TRPM1: variants seen among roughly 807,000 people sequenced by gnomAD.
The protein encoded by TRPM1 is TRPM1-203 APA Isoform, Intron 10.
A neutral mutation model predicts 149.4 loss-of-function variants in TRPM1; 113 were observed. The observed-to-expected ratio is 0.76, with a 90% CI of 0.65 to 0.88. TRPM1 has a LOEUF of 0.88. Ranked by LOEUF, TRPM1 falls within the 40% of genes least tolerant of loss-of-function variation. The pLI, the probability that TRPM1 is intolerant of heterozygous loss-of-function variation, is 0.00. For synonymous variants in TRPM1, 741 were observed against 759.5 expected, an observed-to-expected ratio of 0.98 and a Z score of 0.40; for missense variants, 1,976 against 2,038.7, an observed-to-expected ratio of 0.97 and a Z score of 0.59.
chr15:31,011,000 CT>C (rs1313842111), intron 27 of TRPM1, among the ~76,000 whole-genome samples: 3 of 152,108 alleles, frequency 2.0e-5, no homozygotes, highest in Admixed American at 6.5e-5. Context: ...ATATAGTTAC[CT>C]TTTTAATCAT....
chr15:31,065,676 C>T (rs145109268), intron 7 of TRPM1, among the ~76,000 whole-genome samples: 2,719 of 152,270 alleles, frequency 0.018, 42 homozygotes, highest in South Asian at 0.026. Context: ...CCCAGCATTA[C>T]AGAGATATTT....
chr15:31,069,759 T>A, intron 4 of TRPM1: 5 of 1,444,732 alleles, frequency 3.5e-6, no homozygotes, highest in Non-Finnish European at 4.5e-6. Context: ...ATGGAGTGTG[T>A]TTGCAGGGTT....
chr15:31,014,542 G>A (rs967847091), intron 27 of TRPM1, among the ~76,000 whole-genome samples: 2 of 152,160 alleles, frequency 1.3e-5, no homozygotes, highest in African/African-American at 4.8e-5. Flanking sequence ...CAGCCATTTT[G>A]TTTAAATAAG....
intron 1 of TRPM1, among the ~76,000 whole-genome samples, chr15:31,094,128 C>G (rs2035313745): frequency 6.6e-6 from 1 of 152,134 alleles, no homozygotes. Flanking sequence ...GTCTTGTCAA[C>G]TAATAGTGCT....
At chr15:31,031,699 T>G (rs1455334612) in intron 22 of TRPM1, among the ~76,000 whole-genome samples, 1 of 152,192 alleles carries the variant, frequency 6.6e-6, no homozygotes, top group Non-Finnish European at 1.5e-5. Context: ...TTCCCTTAGC[T>G]CAAAACCACT....
chr15:31,041,581 C>A (rs943958860), intron 17 of TRPM1, among the ~76,000 whole-genome samples: 1 of 152,174 alleles, frequency 6.6e-6, no homozygotes, highest in Non-Finnish European at 1.5e-5. Flanking sequence ...ATCAGAAACA[C>A]CTGTGAAGGT....
intron 4 of TRPM1, among the ~76,000 whole-genome samples, chr15:31,069,055 T>TA (rs1394377695): frequency 2.0e-5 from 3 of 152,226 alleles, no homozygotes; most frequent in Non-Finnish European, 4.4e-5. Flanking sequence ...TTAAATGCAA[T>TA]AAATCATGCA....
chr15:31,001,554 G>T lies in TRPM1; in HGVS notation c.*268C>A. On this transcript the variant is annotated 3_prime_UTR_variant, in exon 28 of 28. Transcript: ENST00000256552. The stretch of plus-strand genomic sequence containing the variant: ...ATTTGGTGGCCCTCAGTAATAAAGA[G>T]ATTGTATAATCTTGTATACTGATTA... The T allele has an allele frequency of 2.0e-6, 1 of 505,610 alleles. No individual in the cohort carries two copies. Among genetic ancestry groups the T allele is most frequent in the Non-Finnish European group, 3.5e-6 (1 of 285,784 alleles). The allele number at this position is 505,610 out of a possible 1,614,324, so 31.3% of individuals were successfully genotyped here.
At chr15:31,098,371 G>A (rs879370242) in intron 1 of TRPM1, among the ~76,000 whole-genome samples, 2 of 152,064 alleles carry the variant, frequency 1.3e-5, no homozygotes, top group South Asian at 2.1e-4. Flanking sequence ...CGGAGGTTGC[G>A]GTGAGCCGAG....
At chr15:31,067,758 T>A (rs1275446378) in intron 5 of TRPM1, 121 bp downstream of exon 5, 16 of 990,970 alleles carry the variant, frequency 1.6e-5, no homozygotes, top group Non-Finnish European at 2.5e-5. Flanking sequence ...TTCACTTTAG[T>A]CATAAATAGG....
chr15:31,094,845 C>G lies in TRPM1; in HGVS notation c.-84+6812G>C, dbSNP rs1381963198. On this transcript the variant is annotated intron_variant, in intron 1 of 27. Coordinates refer to ENST00000256552, the MANE Select transcript of TRPM1 (RefSeq NM_001252024.2). ...GTTCCTCAGTTAAATGTAGAATTAC[C>G]ATATGACCCAGCAATTTTACTGCTA... Among the ~76,000 whole-genome samples, 3 of 152,292 alleles carry G rather than the reference C, an allele frequency of 2.0e-5. No individual in the cohort carries two copies. In the East Asian group the frequency reaches 5.8e-4, roughly 29 times the overall value.
chr15:31,100,437 A>T (rs2035489514), intron 1 of TRPM1, among the ~76,000 whole-genome samples: 1 of 152,242 alleles, frequency 6.6e-6, no homozygotes, highest in Middle Eastern at 3.4e-3. Flanking sequence ...GCTAAGGTTT[A>T]AAAAAACATA....
At chr15:31,032,208 G>A (rs759675602) in intron 22 of TRPM1, among the ~76,000 whole-genome samples, 1 of 151,992 alleles carries the variant, frequency 6.6e-6, no homozygotes, top group African/African-American at 2.4e-5. Context: ...TCCTGGGAAA[G>A]TGAAGTAAGC....
At chr15:31,009,901 C>A (rs1180306769) in intron 27 of TRPM1, among the ~76,000 whole-genome samples, 1 of 152,086 alleles carries the variant, frequency 6.6e-6, no homozygotes, top group African/African-American at 2.4e-5. Flanking sequence ...ATCTTCTATT[C>A]TTTCTCTGAG....
chr15:31,158,436 G>T (rs1318284177), intron 1 of TRPM1, among the ~76,000 whole-genome samples: 3 of 152,016 alleles, frequency 2.0e-5, no homozygotes, highest in Non-Finnish European at 4.4e-5. Context: ...GACCATCCTG[G>T]CTAACACAGT....
intron 17 of TRPM1, among the ~76,000 whole-genome samples, 155 bp downstream of exon 17, chr15:31,041,796 A>G (rs2033624975): frequency 6.6e-6 from 1 of 152,344 alleles, no homozygotes; most frequent in Non-Finnish European, 1.5e-5. Context: ...GAGAGACAGA[A>G]AGAAAAATGC....
Position 31,119,709 on chromosome 15 carries a change from T to C in TRPM1, c.54+41197A>G, listed in dbSNP as rs564383608. Among the ~76,000 whole-genome samples the C allele has an allele frequency of 2.0e-4, 31 of 152,236 alleles. No individual in the cohort carries two copies. In the South Asian group the frequency reaches 6.4e-3, roughly 32 times the overall value. On this transcript the variant is annotated intron_variant, in intron 1 of 26. Transcript: ENST00000542188. ...CATATATAAGGAAAATAAATGACAA[T>C]GATGTTATAAGGAACAGGAGTGTAA... is the stretch of plus-strand genomic sequence containing the variant.
chr15:31,069,759 T>C (rs1016374401), intron 4 of TRPM1: 7 of 1,444,732 alleles, frequency 4.8e-6, no homozygotes, highest in Non-Finnish European at 6.3e-6. Flanking sequence ...ATGGAGTGTG[T>C]TTGCAGGGTT....
At position 31,042,165 on chromosome 15, in the gene TRPM1, G is replaced by T. The variant is rs776119456; in HGVS notation, c.1873C>A (p.Pro625Thr). 1 of 1,613,950 alleles carries T rather than the reference G, an allele frequency of 6.2e-7. No individual in the cohort carries two copies. The highest frequency in any genetic ancestry group is 2.2e-5 in the East Asian group (1 of 44,884). ...GGATACTGGAACCGACTCACGGCAGGGTCGTCCACATCAATGTCGATCTCT... is the reference window on the plus strand; with the variant it reads ...GGATACTGGAACCGACTCACGGCAGTGTCGTCCACATCAATGTCGATCTCT... ...EEEIDIDVDD[P>T]AVSRFQYPFH... Residue 625 changes from proline (P) to threonine (T), a missense_variant, in exon 17 of 28, where the codon CCT becomes ACT. Transcript: ENST00000256552.
Sources: gnomAD v4.1 joint callset for allele counts (sites outside exome capture counted in the v4.1 genomes callset) on GRCh38, gnomAD v4.1.1 for gene constraint, MANE v1.5 for transcripts, NCBI Gene and HGNC (gene_info 2026-07-23, HGNC 2026-07-21) for gene names.